NSD2: variants seen among roughly 807,000 people sequenced by gnomAD.
NSD2 encodes nuclear receptor binding SET domain protein 2, also known as histone-lysine N-methyltransferase NSD2.
NSD2 carries 12 observed loss-of-function variants against 139.0 expected under a neutral mutation model. The ratio of observed to expected loss-of-function variants is 0.09; its 90% CI spans 0.06 to 0.14. The LOEUF is 0.14. NSD2 is among the 10% of genes least tolerant of loss of function. The probability of loss-of-function intolerance (pLI) is 1.00; values close to 1 mark genes in which losing one functional copy is unlikely to be tolerated. For synonymous variants in NSD2, 669 were observed against 648.7 expected (o/e 1.03, Z -0.48); for missense variants, 1,155 against 1,745.0 (o/e 0.66, Z 6.02).
chr4:1,871,530 C>G lies in NSD2; in HGVS notation c.-42C>G, dbSNP rs1415067105. 3 of 151,284 alleles carry G rather than the reference C, an allele frequency of 2.0e-5. No homozygotes were observed. Among genetic ancestry groups the G allele is most frequent in the Non-Finnish European group, 3.0e-5 (2 of 67,604 alleles). 9.4% of individuals were successfully genotyped at this position (151,284 alleles called of 1,614,324 possible). A position where few individuals can be genotyped will look rare whatever the true frequency, so the allele number is the denominator to read the frequency against. On this transcript the variant is annotated 5_prime_UTR_variant, in exon 1 of 22. Transcript: ENST00000508803. ...TCCGGAGAGCCGCCCGCCGAGGATG[C>G]GACGCACCGCAGGTCACTGGGGCGC...
intron 5 of NSD2, among the ~76,000 whole-genome samples, chr4:1,930,003 T>C (rs1310583923): frequency 6.6e-6 from 1 of 151,988 alleles, no homozygotes; most frequent in Non-Finnish European, 1.5e-5. Flanking sequence ...GGTAGGCAGG[T>C]TGGGGTGGGG....
rs764467816 is a variant in NSD2 at position 1,951,122 on chromosome 4, A to G, written c.1932A>G (p.Ala644=). 5.6e-6 allele frequency: 9 copies of G among 1,614,142 alleles called. No individual in the cohort carries two copies. In the Admixed American group the frequency reaches 1.5e-4, roughly 27 times the overall value. The part of the protein sequence containing the change: ...DEPSESPYES[A]DETQTEVSVS... ...CCTCGGAGTCCCCATACGAAAGTGC[A>G]GACGAAACACAAACTGAAGTATCTG... The change falls in exon 10 of 22, where the codon GCA becomes GCG. Residue 644 remains alanine (A), a synonymous_variant. Transcript: ENST00000508803.
At chr4:1,944,444 G>T in intron 9 of NSD2, 8 of 1,065,248 alleles carry the variant, frequency 7.5e-6, no homozygotes, top group East Asian at 5.0e-5. Context: ...GGTTGTTGAG[G>T]TGAATTTTGT....
chr4:1,904,281 C>T lies in NSD2; in HGVS notation c.663C>T (p.Asn221=), dbSNP rs199918100. ...GRDKDHLLKY[N]VGDLVWSKVS... ...ACAAAGACCACCTGTTGAAATACAA[C>T]GTTGGTGATTTGGTGTGGTCCAAAG... The change falls in exon 3 of 22, where the codon AAC becomes AAT. Residue 221 remains asparagine (N), a synonymous_variant. Transcript: ENST00000508803. 77 of 1,614,008 alleles carry T rather than the reference C, an allele frequency of 4.8e-5. 1 individual carries two copies. Among genetic ancestry groups the T allele is most frequent in the Middle Eastern group, 1.6e-4 (1 of 6,084 alleles).
intron 16 of NSD2, among the ~76,000 whole-genome samples, 161 bp from the exon 17 acceptor site, chr4:1,959,310 G>A (rs999636327): frequency 6.6e-6 from 1 of 152,120 alleles, no homozygotes; most frequent in East Asian, 1.9e-4. Flanking sequence ...AGCTCCTCTG[G>A]GATCTGGGGA....
intron 6 of NSD2, among the ~76,000 whole-genome samples, chr4:1,933,777 TATA>T (rs1721972373): frequency 6.6e-6 from 1 of 152,198 alleles, no homozygotes; most frequent in African/African-American, 2.4e-5. Context: ...ATATTGGATT[TATA>T]TTTAAAATAA....
chr4:1,940,770 A>G, intron 9 of NSD2: 2 of 1,060,230 alleles, frequency 1.9e-6, no homozygotes, highest in Non-Finnish European at 2.3e-6. Flanking sequence ...CATGGTCCCC[A>G]GGAAGGATGG....
At chr4:1,946,755 T>A in intron 9 of NSD2, 1 of 1,046,938 alleles carries the variant, frequency 9.6e-7, no homozygotes, top group Non-Finnish European at 1.2e-6. Flanking sequence ...ATTTGTATTA[T>A]ATTCATCTGA....
At chr4:1,977,294 T>A (rs1396973528) in intron 21 of NSD2, among the ~76,000 whole-genome samples, 1 of 152,226 alleles carries the variant, frequency 6.6e-6, no homozygotes, top group East Asian at 1.9e-4. Flanking sequence ...AACAGTAGCG[T>A]CTTGTTCCAC....
chr4:1,879,225 T>C (rs1249834374), intron 1 of NSD2, among the ~76,000 whole-genome samples: 1 of 152,106 alleles, frequency 6.6e-6, no homozygotes, highest in East Asian at 1.9e-4. Context: ...TTTTATTTTA[T>C]TTTATTTTTT....
intron 9 of NSD2, chr4:1,943,423 A>T: frequency 9.6e-7 from 1 of 1,042,980 alleles, no homozygotes; most frequent in Non-Finnish European, 1.2e-6. Context: ...ATAATAATAA[A>T]AATGATAAAA....
chr4:1,926,686 G>A (rs565142191), intron 5 of NSD2, among the ~76,000 whole-genome samples: 1 of 152,056 alleles, frequency 6.6e-6, no homozygotes, highest in Non-Finnish European at 1.5e-5. Context: ...GGCTAGGCTG[G>A]TCTCAAACAC....
chr4:1,952,345 C>G (rs1724360043), intron 11 of NSD2, 114 bp downstream of exon 11: 9 of 1,475,770 alleles, frequency 6.1e-6, no homozygotes, highest in Non-Finnish European at 8.2e-6. Flanking sequence ...CTCCCCACCC[C>G]CACCGCCTGG....
Position 1,976,542 on chromosome 4 carries a change from C to T in NSD2, c.3689C>T (p.Ala1230Val). The stretch of plus-strand genomic sequence containing the variant: ...AAGAAGAAAACGAGGCGGCGCAGAG[C>T]AAAAGGGGAAGGGAAGAGGCAGTCA... The part of the protein sequence containing the change: ...KTKKKTRRRR[A>V]KGEGKRQSED... The change falls in exon 21 of 22, where the codon GCA becomes GTA. Residue 1230 changes from alanine to valine, a missense_variant. By Grantham distance (64) the Ala-to-Val change is moderately conservative (BLOSUM62 0). Transcript: ENST00000508803. This position sits in a 1 kb window ranked among gnomAD's most constrained non-coding sequence, Gnocchi z 5.3. 3 of 1,613,942 alleles carry T rather than the reference C, an allele frequency of 1.9e-6. No homozygotes were observed. The highest frequency in any genetic ancestry group is 2.5e-6 in the Non-Finnish European group (3 of 1,179,958).
chr4:1,947,240 A>G, intron 9 of NSD2: 1 of 1,063,996 alleles, frequency 9.4e-7, no homozygotes, highest in Non-Finnish European at 1.1e-6. Context: ...AGGATATTTT[A>G]GATTCATTTT....
At chr4:1,876,791 A>C (rs1281787008) in intron 1 of NSD2, among the ~76,000 whole-genome samples, 2 of 152,118 alleles carry the variant, frequency 1.3e-5, no homozygotes, top group Non-Finnish European at 2.9e-5. Context: ...CTCAATTTTT[A>C]AGTTGACTTG....
intron 3 of NSD2, among the ~76,000 whole-genome samples, chr4:1,908,025 A>T (rs1166174553): frequency 6.6e-6 from 1 of 152,230 alleles, no homozygotes; most frequent in Non-Finnish European, 1.5e-5. Flanking sequence ...GAAACATCAC[A>T]TCAGTAACAA....
chr4:1,919,899 G>T (rs889090686), intron 5 of NSD2, among the ~76,000 whole-genome samples: 1 of 151,802 alleles, frequency 6.6e-6, no homozygotes, highest in African/African-American at 2.4e-5. Context: ...TTACACCACT[G>T]CACTCCAGCC....
At position 1,872,507 on chromosome 4, in the gene NSD2, CAT is replaced by C. The variant is rs1375276311; in HGVS notation, c.-30+967_-30+968del. ...ATGGGCTTTGACATTCAAGTGGAAA[CAT>C]AGTATCAAAACTGATGTGGTGACGT... On this transcript the variant is annotated intron_variant, in intron 1 of 21. Coordinates refer to ENST00000508803, the MANE Select transcript of NSD2 (RefSeq NM_001042424.3). Among the ~76,000 whole-genome samples, 8 of 150,284 alleles carry C rather than the reference CAT, an allele frequency of 5.3e-5. No homozygotes were observed. In the East Asian group the frequency reaches 1.2e-3, roughly 22 times the overall value.
Sources: allele counts gnomAD v4.1 joint callset (sites outside exome capture counted in the v4.1 genomes callset), GRCh38; gene constraint gnomAD v4.1.1; non-coding constraint Gnocchi (gnomAD v3.1); transcripts MANE v1.5; gene names NCBI Gene and HGNC (gene_info 2026-07-23, HGNC 2026-07-21).